The following HIPK1 variants were observed in gnomAD, a reference collection of about 807,000 sequenced individuals.
HIPK1 encodes homeodomain interacting protein kinase 1.
HIPK1 carries 28 observed loss-of-function variants against 117.1 expected under a neutral mutation model. The observed-to-expected ratio is 0.24, with a 90% CI of 0.18 to 0.33. HIPK1 has a LOEUF of 0.33. Among genes scored for constraint, HIPK1 ranks in the 10% least tolerant of loss-of-function variants. HIPK1 has a pLI of 1.00. For missense variants in HIPK1, 1,122 were observed against 1,475.1 expected, an observed-to-expected ratio of 0.76 and a Z score of 3.92; for synonymous variants, 605 against 562.5, an observed-to-expected ratio of 1.08 and a Z score of -1.07.
At chr1:113,958,965 C>A (rs187133652) in intron 8 of HIPK1, among the ~76,000 whole-genome samples, 1 of 152,086 alleles carries the variant, frequency 6.6e-6, no homozygotes, top group Non-Finnish European at 1.5e-5. Flanking sequence ...TTTCACATTC[C>A]CATCCTTCTT....
chr1:113,952,725 T>TG, intron 2 of HIPK1, 41 bp from the exon 3 acceptor site: 1 of 1,313,480 alleles, frequency 7.6e-7, no homozygotes, highest in South Asian at 1.9e-5. Context: ...TCCCAAATAA[T>TG]GTTTTTTTTT....
rs1672551787 is a variant in HIPK1 at position 113,967,797 on chromosome 1, A to C, written c.2413A>C (p.Thr805Pro). The C allele has an allele frequency of 1.2e-6, 2 of 1,601,684 alleles. No homozygotes were observed. Among genetic ancestry groups the C allele is most frequent in the Non-Finnish European group, 8.5e-7 (1 of 1,175,910 alleles). The change falls in exon 12 of 16, where the codon ACT (threonine) becomes CCT (proline). Residue 805 changes from threonine (T) to proline (P), a missense_variant. Transcript: ENST00000426820. ...NAHSHGNQYS[T>P]IMQQPSLLTN... is the part of the protein sequence containing the mutation. ...CCACTCTCATGGCAACCAGTACAGC[A>C]CTATCATGCAGCAGCCATCCTTGCT...
Position 113,963,511 on chromosome 1 carries a change from C to T in HIPK1, c.2228C>T (p.Ala743Val). The stretch of plus-strand genomic sequence containing the variant: ...CGGCCGGCGCTGGTTGAACAGACTG[C>T]CGCTGTACTGGTAATTCCCCTCACT... ...AGRPALVEQT[A>V]AVLQAWPGGT... Residue 743 changes from alanine (A) to valine (V), a missense_variant, in exon 10 of 16, where the codon GCC becomes GTC. Ala to Val is a moderately conservative substitution (Grantham distance 64, BLOSUM62 0). This residue lies in a region of HIPK1 where 731 missense variants were observed against 860.4 expected (regional missense o/e 0.85). Coordinates refer to ENST00000426820, the MANE Select transcript of HIPK1 (RefSeq NM_198268.3). The T allele has an allele frequency of 6.2e-7, 1 of 1,613,376 alleles. No individual in the cohort carries two copies. Among genetic ancestry groups the T allele is most frequent in the Non-Finnish European group, 8.5e-7 (1 of 1,179,728 alleles).
intron 3 of HIPK1, among the ~76,000 whole-genome samples, chr1:113,953,314 A>G (rs1296358923): frequency 2.0e-5 from 3 of 152,156 alleles, no homozygotes; most frequent in Admixed American, 1.3e-4. Flanking sequence ...GAAACACTTC[A>G]GGTCCCAGAA....
intron 11 of HIPK1, among the ~76,000 whole-genome samples, chr1:113,967,560 T>C (rs1672535128): frequency 6.6e-6 from 1 of 152,228 alleles, no homozygotes; most frequent in South Asian, 2.1e-4. Flanking sequence ...TTTGCCCATT[T>C]TTTGATCGTA....
intron 1 of HIPK1, among the ~76,000 whole-genome samples, chr1:113,938,965 T>C (rs57195252): frequency 4.0e-4 from 44 of 109,324 alleles, no homozygotes; most frequent in Non-Finnish European, 5.2e-4. Context: ...CACACACACT[T>C]AGGAGATGGA....
At position 113,973,196 on chromosome 1, in the gene HIPK1, C is replaced by T. The variant is rs1456558236; in HGVS notation, c.3317C>T (p.Pro1106Leu). 2.5e-6 allele frequency: 4 copies of T among 1,613,056 alleles called. No individual in the cohort carries two copies. In the South Asian group the frequency reaches 4.4e-5, roughly 18 times the overall value. The change falls in exon 16 of 16, where the codon CCA becomes CTA. Residue 1106 changes from proline to leucine, a missense_variant. Around this residue, in one of 6 missense-constraint regions of HIPK1, gnomAD observed 731 missense variants for 860.4 expected, o/e 0.85. Transcript: ENST00000426820. ...CTTGCCCCGGCCCCTGCTCACCTGCCAAGCCAGGCTCATCTGTATACGTAT... is the reference window on the plus strand; with the variant it reads ...CTTGCCCCGGCCCCTGCTCACCTGCTAAGCCAGGCTCATCTGTATACGTAT... ...PHLAPAPAHLPSQAHLYTYAA... is the reference protein window; with the variant it reads ...PHLAPAPAHLLSQAHLYTYAA...
intron 8 of HIPK1, among the ~76,000 whole-genome samples, chr1:113,960,882 A>T (rs745906613): frequency 7.9e-5 from 12 of 152,242 alleles, no homozygotes; most frequent in Non-Finnish European, 1.6e-4. Flanking sequence ...GTGGAAAATT[A>T]GAAGACTGAC....
intron 2 of HIPK1, among the ~76,000 whole-genome samples, chr1:113,951,841 A>G (rs1671381948): frequency 6.6e-6 from 1 of 151,922 alleles, no homozygotes; most frequent in African/African-American, 2.4e-5. Context: ...GGCTGGCTCT[A>G]GAGAGTGTGC....
chr1:113,954,355 T>C (rs1671570605), intron 3 of HIPK1, among the ~76,000 whole-genome samples: 1 of 152,176 alleles, frequency 6.6e-6, no homozygotes. Context: ...GCTACAGGAT[T>C]TAGAAAGGAA....
chr1:113,939,185 C>G (rs1670475364), intron 1 of HIPK1, among the ~76,000 whole-genome samples: 1 of 151,830 alleles, frequency 6.6e-6, no homozygotes, highest in African/African-American at 2.4e-5. Flanking sequence ...GACAGGGTGT[C>G]ATTCTTTCAC....
chr1:113,939,473 G>A (rs1670503779), intron 1 of HIPK1, among the ~76,000 whole-genome samples: 1 of 151,918 alleles, frequency 6.6e-6, no homozygotes, highest in Non-Finnish European at 1.5e-5. Context: ...CTGAAGGTGG[G>A]GTGGAGGCTC....
intron 5 of HIPK1, among the ~76,000 whole-genome samples, chr1:113,956,067 A>ATTTT (rs755763487): frequency 4.5e-4 from 41 of 91,828 alleles, no homozygotes; most frequent in Admixed American, 5.3e-4. Flanking sequence ...TACTTGTTCC[A>ATTTT]TTTTTTTTTT....
At position 113,956,753 on chromosome 1, in the gene HIPK1, A is replaced by G. The variant is rs1423569249; in HGVS notation, c.1534A>G (p.Thr512Ala). ...AGATAAGAGAATTACCCCTCTAAAA[A>G]CTCTTAACCATCAGTTTGTGACAAT... The part of the protein sequence containing the change: ...DADKRITPLK[T>A]LNHQFVTMTH... Residue 512 changes from threonine to alanine, a missense_variant, in exon 6 of 16, where the codon ACT (threonine) becomes GCT (alanine). Thr to Ala is a moderately conservative substitution (Grantham distance 58, BLOSUM62 0). This residue lies in a region of HIPK1 where 731 missense variants were observed against 860.4 expected (regional missense o/e 0.85). Transcript: ENST00000426820. 1 of 1,613,768 alleles carries G rather than the reference A, an allele frequency of 6.2e-7. No homozygotes were observed. Among genetic ancestry groups the G allele is most frequent in the Non-Finnish European group, 8.5e-7 (1 of 1,179,866 alleles).
intron 3 of HIPK1, among the ~76,000 whole-genome samples, chr1:113,953,239 C>T (rs184904479): frequency 4.3e-4 from 65 of 152,282 alleles, no homozygotes; most frequent in African/African-American, 1.5e-3. Context: ...AAGAGAACTT[C>T]TACTTACTCG....
chr1:113,938,965 T>TACACACACACACAC (rs1558126082), intron 1 of HIPK1, among the ~76,000 whole-genome samples: 1,926 of 109,208 alleles, frequency 0.018, 41 homozygotes, highest in Admixed American at 0.055. Context: ...CACACACACT[T>TACACACACACACAC]AGGAGATGGA....
At chr1:113,942,589 C>G (rs768226874) in intron 2 of HIPK1, among the ~76,000 whole-genome samples, 15 of 152,146 alleles carry the variant, frequency 9.9e-5, no homozygotes, top group Non-Finnish European at 1.0e-4. Flanking sequence ...TCTCTAAATA[C>G]TTTGAACTTA....
At chr1:113,961,969 A>T in intron 8 of HIPK1, among the ~76,000 whole-genome samples, 1 of 147,726 alleles carries the variant, frequency 6.8e-6, no homozygotes, top group South Asian at 2.1e-4. Context: ...AAAAAAAAAA[A>T]TGAAAGTGAA....
intron 10 of HIPK1, 140 bp from the exon 11 acceptor site, chr1:113,965,990 C>G (rs1672418361): frequency 2.6e-6 from 2 of 768,488 alleles, no homozygotes; most frequent in Non-Finnish European, 4.1e-6. Context: ...GCCCCTCTGA[C>G]CTTTCTTTTT....
Sources: gnomAD v4.1 joint callset for allele counts (sites outside exome capture counted in the v4.1 genomes callset) on GRCh38, gnomAD v4.1.1 for gene constraint, gnomAD v4.1.1 regional missense constraint, MANE v1.5 for transcripts, NCBI Gene and HGNC (gene_info 2026-07-23, HGNC 2026-07-21) for gene names.